PPARGC1B: variants seen among roughly 807,000 people sequenced by gnomAD.
PPARGC1B encodes PPARG coactivator 1 beta.
A neutral mutation model predicts 101.6 loss-of-function variants in PPARGC1B; 34 were observed. The ratio of observed to expected loss-of-function variants is 0.33; its 90% CI spans 0.25 to 0.45. The LOEUF is 0.45. Ranked by LOEUF, PPARGC1B falls within the 20% of genes least tolerant of loss-of-function variation. The probability of loss-of-function intolerance (pLI) is 1.00; values close to 1 mark genes in which losing one functional copy is unlikely to be tolerated. For synonymous variants in PPARGC1B, 548 were observed against 539.3 expected (o/e 1.02, Z -0.22); for missense variants, 1,234 against 1,317.6 (o/e 0.94, Z 0.98).
chr5:149,828,257 G>A (rs1312343844), intron 3 of PPARGC1B, among the ~76,000 whole-genome samples: 1 of 152,202 alleles, frequency 6.6e-6, no homozygotes. Context: ...CCTGCCGAGA[G>A]GGGGTCCTGC....
intron 1 of PPARGC1B, among the ~76,000 whole-genome samples, chr5:149,819,566 G>A (rs938120255): frequency 6.6e-6 from 1 of 151,936 alleles, no homozygotes; most frequent in African/African-American, 2.4e-5. Context: ...GCAGTGGCTC[G>A]ATCTCAGCTC....
intron 1 of PPARGC1B, among the ~76,000 whole-genome samples, chr5:149,737,897 G>A (rs956171451): frequency 6.6e-6 from 1 of 152,198 alleles, no homozygotes; most frequent in Non-Finnish European, 1.5e-5. Context: ...GGGAGGCTGA[G>A]GCAGGAGAAT....
At chr5:149,732,643 A>G (rs1211770443) in intron 1 of PPARGC1B, among the ~76,000 whole-genome samples, 2 of 152,190 alleles carry the variant, frequency 1.3e-5, no homozygotes, top group Non-Finnish European at 2.9e-5. Context: ...TGCCGGCCCA[A>G]CTTGGGAAAT....
At chr5:149,742,684 C>T (rs980867619) in intron 1 of PPARGC1B, among the ~76,000 whole-genome samples, 9 of 152,154 alleles carry the variant, frequency 5.9e-5, no homozygotes, top group South Asian at 2.1e-4. Flanking sequence ...AATCAACTAC[C>T]GGTGAGGTTG....
chr5:149,751,905 A>G (rs1297621835), intron 1 of PPARGC1B, among the ~76,000 whole-genome samples: 1 of 152,126 alleles, frequency 6.6e-6, no homozygotes, highest in Non-Finnish European at 1.5e-5. Flanking sequence ...GAGAACATAG[A>G]CGGTAGTCAT....
Position 149,730,478 on chromosome 5 carries a change from A to C in PPARGC1B, c.78+58A>C, listed in dbSNP as rs1754409940. On this transcript the variant is annotated intron_variant, in intron 1 of 11. Transcript: ENST00000309241. The surrounding 1 kb of genome is among the most constrained non-coding windows in gnomAD (Gnocchi z 4.0). ...AGGGGTGCTGAGCTGCGGGGGCCGC[A>C]GCTGCAGCCGCGGAGGCCGGGAGGC... 7 of 1,379,498 alleles carry C rather than the reference A, an allele frequency of 5.1e-6. No individual in the cohort carries two copies. In the South Asian group the frequency reaches 9.9e-5, roughly 19 times the overall value. The allele number at this position is 1,379,498 out of a possible 1,614,324, so 85.5% of individuals were successfully genotyped here.
chr5:149,811,423 T>A (rs1188459991), intron 1 of PPARGC1B, among the ~76,000 whole-genome samples: 2 of 152,262 alleles, frequency 1.3e-5, no homozygotes, highest in Non-Finnish European at 1.5e-5. Flanking sequence ...AACTTAGTTT[T>A]CATTGAAATC....
chr5:149,800,450 A>G (rs897272625), intron 1 of PPARGC1B, among the ~76,000 whole-genome samples: 1 of 152,232 alleles, frequency 6.6e-6, no homozygotes, highest in African/African-American at 2.4e-5. Flanking sequence ...TTGCCAAGCA[A>G]TTACGAGCCT....
chr5:149,835,994 G>A (rs1187881193), intron 7 of PPARGC1B, among the ~76,000 whole-genome samples: 1 of 127,802 alleles, frequency 7.8e-6, no homozygotes, highest in Non-Finnish European at 1.6e-5. Context: ...GTCTTACTAT[G>A]TTGTCCAGGC....
intron 1 of PPARGC1B, among the ~76,000 whole-genome samples, chr5:149,753,299 C>T (rs532382177): frequency 2.0e-5 from 3 of 152,038 alleles, no homozygotes; most frequent in Admixed American, 6.6e-5. Flanking sequence ...CTCTGCCTCC[C>T]GGGTTCAAGC....
At chr5:149,771,600 T>C (rs780503339) in intron 1 of PPARGC1B, among the ~76,000 whole-genome samples, 3 of 152,200 alleles carry the variant, frequency 2.0e-5, no homozygotes, top group Non-Finnish European at 2.9e-5. Flanking sequence ...ATTTAAGGCA[T>C]AGAGTAACAG....
intron 9 of PPARGC1B, among the ~76,000 whole-genome samples, 181 bp downstream of exon 9, chr5:149,840,297 G>C (rs765860298): frequency 6.6e-6 from 1 of 152,192 alleles, no homozygotes; most frequent in East Asian, 1.9e-4. Flanking sequence ...TGAAGAGCAC[G>C]AGGGTCACTA....
chr5:149,828,136 C>G (rs1341981024), intron 3 of PPARGC1B, among the ~76,000 whole-genome samples: 1 of 152,240 alleles, frequency 6.6e-6, no homozygotes, highest in East Asian at 1.9e-4. Context: ...CAGGTATTCA[C>G]TCCTAGTCTA....
At chr5:149,755,649 CT>C (rs1233870574) in intron 1 of PPARGC1B, among the ~76,000 whole-genome samples, 75 of 131,522 alleles carry the variant, frequency 5.7e-4, no homozygotes, top group South Asian at 5.1e-3. Flanking sequence ...ATTATTATTG[CT>C]TTTTTTTTTT....
intron 6 of PPARGC1B, 52 bp from the exon 7 acceptor site, chr5:149,835,249 A>G: frequency 5.2e-6 from 8 of 1,547,402 alleles, no homozygotes; most frequent in Non-Finnish European, 7.1e-6. Context: ...GGGGAGGTGG[A>G]TGCCTGCTGC....
rs1302717927 is a variant in PPARGC1B at position 149,833,298 on chromosome 5, C to G, written c.1225C>G (p.Leu409Val). The change falls in exon 5 of 12, where the codon CTG becomes GTG. Residue 409 changes from leucine (L) to valine (V), a missense_variant. Coordinates refer to ENST00000309241, the MANE Select transcript of PPARGC1B (RefSeq NM_133263.4). The surrounding 1 kb of genome is among the most constrained non-coding windows in gnomAD (Gnocchi z 4.1). Reference protein sequence around the residue: ...SPKSTGPRPSLRPLRLEVKRE... With the variant: ...SPKSTGPRPSVRPLRLEVKRE... The stretch of plus-strand genomic sequence containing the variant: ...CAAGAGCACCGGGCCCAGACCAAGC[C>G]TGCGCCCACTGCGGCTGGAGGTGAA... 2 of 1,613,338 alleles carry G rather than the reference C, an allele frequency of 1.2e-6. No homozygotes were observed. The highest frequency in any genetic ancestry group is 1.7e-6 in the Non-Finnish European group (2 of 1,180,044).
At chr5:149,816,273 A>G (rs1758050070) in intron 1 of PPARGC1B, among the ~76,000 whole-genome samples, 1 of 152,222 alleles carries the variant, frequency 6.6e-6, no homozygotes, top group African/African-American at 2.4e-5. Flanking sequence ...TTGAGCTGCT[A>G]TGGGCAATCA....
intron 1 of PPARGC1B, among the ~76,000 whole-genome samples, chr5:149,744,542 C>T (rs11743128): frequency 0.12 from 17,553 of 152,062 alleles, 1,356 homozygotes; most frequent in Admixed American, 0.24. Flanking sequence ...CAGTGTTCTC[C>T]GAGAAAGCAA....
intron 1 of PPARGC1B, among the ~76,000 whole-genome samples, chr5:149,793,210 T>A (rs1237419210): frequency 1.3e-5 from 2 of 152,100 alleles, no homozygotes; most frequent in Non-Finnish European, 2.9e-5. Context: ...CCTTCCTTTT[T>A]GCCTTCCTGA....
Sources: gnomAD v4.1 joint callset for allele counts (sites outside exome capture counted in the v4.1 genomes callset) on GRCh38, gnomAD v4.1.1 for gene constraint, Gnocchi (gnomAD v3.1) non-coding constraint, MANE v1.5 for transcripts, NCBI Gene and HGNC (gene_info 2026-07-23, HGNC 2026-07-21) for gene names.